The following MASP1 variants were observed in gnomAD, a reference collection of about 807,000 sequenced individuals.
MASP1 encodes MBL associated serine protease 1, also known as mannan-binding lectin serine protease 1.
MASP1 carries 59 observed loss-of-function variants against 77.1 expected under a neutral mutation model. The ratio of observed to expected loss-of-function variants is 0.77; its 90% confidence interval spans 0.62 to 0.95. The LOEUF (loss-of-function observed/expected upper bound fraction) is 0.95, where lower values mean the gene tolerates loss of function less well. Among genes scored for constraint, MASP1 ranks in the 40% least tolerant of loss-of-function variants. MASP1 has a pLI of 0.00. For missense variants in MASP1, 885 were observed against 912.9 expected (o/e 0.97, Z 0.39); for synonymous variants, 362 against 354.5 (o/e 1.02, Z -0.24).
At chr3:187,246,688 T>G in intron 8 of MASP1, 1 of 988,984 alleles carries the variant, frequency 1.0e-6, no homozygotes, top group Non-Finnish European at 1.2e-6. Context: ...TTTTTAAAAT[T>G]TTTAATCAGC....
intron 7 of MASP1, chr3:187,251,255 C>A: frequency 4.0e-6 from 1 of 249,538 alleles, no homozygotes; most frequent in South Asian, 5.3e-5. Flanking sequence ...CCACCATGCT[C>A]AGCCCCATTT....
At chr3:187,218,564 C>G (rs1351387022) in exon 16 of MASP1, 5 of 152,410 alleles carry the variant, frequency 3.3e-5, no homozygotes, top group Admixed American at 1.3e-4. Flanking sequence ...GAATTGCTGT[C>G]CCTGAGTATT....
chr3:187,225,447 G>A (rs1383962024), exon 13 of MASP1: 2 of 1,614,186 alleles, frequency 1.2e-6, no homozygotes, highest in Non-Finnish European at 1.7e-6. Flanking sequence ...TGGGGGTGGA[G>A]AGTGGTGTGT....
chr3:187,291,683 A>G lies in MASP1; in HGVS notation c.-51T>C. ...GCCCGGCCTTGGTCCTCCCAGCTTG[A>G]CTTGCCTGTGAGCTCGTGCCCGGTG... On this transcript the variant is annotated 5_prime_UTR_variant, in exon 1 of 11. Coordinates refer to ENST00000296280, the MANE Select transcript of MASP1 (RefSeq NM_139125.4). The G allele has an allele frequency of 6.2e-7, 1 of 1,613,382 alleles. No homozygotes were observed. The highest frequency in any genetic ancestry group is 8.5e-7 in the Non-Finnish European group (1 of 1,179,450).
chr3:187,220,492 C>CTTTTTTTTTTTTTTTTTT (rs747532550), intron 15 of MASP1, among the ~76,000 whole-genome samples: 3 of 134,564 alleles, frequency 2.2e-5, no homozygotes, highest in Admixed American at 7.4e-5. Flanking sequence ...TTTCTTTTTT[C>CTTTTTTTTTTTTTTTTTT]TTTCTTTTTT....
intron 8 of MASP1, among the ~76,000 whole-genome samples, chr3:187,249,558 G>C (rs1183148507): frequency 6.6e-6 from 1 of 152,144 alleles, no homozygotes. Context: ...GAGGTGAAGG[G>C]GTTGGAAGCC....
At chr3:187,231,325 A>C (rs980703798), downstream of MASP1, among the ~76,000 whole-genome samples, 1 of 152,154 alleles carries the variant, frequency 6.6e-6, no homozygotes, top group Admixed American at 6.5e-5. Context: ...AAGACTTTTC[A>C]TCCTAAAAAT....
At chr3:187,275,151 C>T (rs559643667) in intron 2 of MASP1, among the ~76,000 whole-genome samples, 10 of 152,244 alleles carry the variant, frequency 6.6e-5, no homozygotes, top group African/African-American at 1.2e-4. Context: ...CAGTTCAGGA[C>T]GGGAAAATAG....
chr3:187,289,025 C>T (rs373225993), intron 1 of MASP1, among the ~76,000 whole-genome samples: 2 of 152,274 alleles, frequency 1.3e-5, no homozygotes, highest in African/African-American at 2.4e-5. Flanking sequence ...TTTCATTCCT[C>T]GTCACACTCT....
At chr3:187,278,173 A>G (rs1717114631) in intron 2 of MASP1, among the ~76,000 whole-genome samples, 1 of 152,224 alleles carries the variant, frequency 6.6e-6, no homozygotes, top group Non-Finnish European at 1.5e-5. Flanking sequence ...GATGGAGAAG[A>G]AAATCTTAGC....
At chr3:187,223,142 T>C in exon 14 of MASP1, 2 of 1,614,086 alleles carry the variant, frequency 1.2e-6, no homozygotes, top group Non-Finnish European at 1.7e-6. Context: ...TCAGGGTCTC[T>C]GGGAACCTTT....
chr3:187,256,645 G>T lies in MASP1; in HGVS notation c.744+19C>A, dbSNP rs374759825. 7.4e-6 allele frequency: 12 copies of T among 1,613,032 alleles called. No homozygotes were observed. Among genetic ancestry groups the T allele is most frequent in the Non-Finnish European group, 9.3e-6 (11 of 1,179,504 alleles). On this transcript the variant is annotated intron_variant, in intron 5 of 10. Coordinates refer to ENST00000296280, the MANE Select transcript of MASP1 (RefSeq NM_139125.4). Reference sequence around the variant, plus strand: ...AGATTTTCCAGCATCTCCAGGACAAGTGTTCATTGCAGGCTCACCTTGATG... The same window carrying T: ...AGATTTTCCAGCATCTCCAGGACAATTGTTCATTGCAGGCTCACCTTGATG...
downstream of MASP1, among the ~76,000 whole-genome samples, chr3:187,231,915 A>G (rs1184627380): frequency 6.6e-6 from 1 of 152,234 alleles, no homozygotes; most frequent in Non-Finnish European, 1.5e-5. Context: ...CTGAGAAAAG[A>G]GCTAAAAGCC....
At chr3:187,218,588 A>AT (rs1711872288) in exon 16 of MASP1, 2 of 150,230 alleles carry the variant, frequency 1.3e-5, no homozygotes, top group Non-Finnish European at 1.5e-5. Context: ...CCTGGGGCTT[A>AT]ATATATATAT....
At chr3:187,233,667 C>T (rs1712903084), downstream of MASP1, among the ~76,000 whole-genome samples, 1 of 152,240 alleles carries the variant, frequency 6.6e-6, no homozygotes, top group South Asian at 2.1e-4. Context: ...GGATTCATAG[C>T]TGGTTTTGCT....
At position 187,282,495 on chromosome 3, in the gene MASP1, CAA is replaced by C. The variant is rs113211164; in HGVS notation, c.237+3328_237+3329del. Among the ~76,000 whole-genome samples the C allele has an allele frequency of 4.0e-3, 530 of 131,074 alleles. 4 individuals are homozygous for C. The highest frequency in any genetic ancestry group is 0.015 in the African/African-American group (494 of 33,844). 86.0% of individuals were successfully genotyped at this position (131,074 alleles called of 152,430 possible). On this transcript the variant is annotated intron_variant, in intron 2 of 10. Coordinates refer to ENST00000296280, the MANE Select transcript of MASP1 (RefSeq NM_139125.4). Reference sequence around the variant, plus strand: ...CTGGCAACAGAGCAAGATTCCGTTTCAAAAAAAAAAAAAAAAAGAAGAAGAAG... The same window carrying C: ...CTGGCAACAGAGCAAGATTCCGTTTCAAAAAAAAAAAAAAAGAAGAAGAAG...
At chr3:187,262,493 C>T (rs1281047446) in intron 3 of MASP1, 50 bp downstream of exon 3, 1 of 1,591,262 alleles carries the variant, frequency 6.3e-7, no homozygotes, top group Admixed American at 1.7e-5. Flanking sequence ...CAGTTTTCAT[C>T]TTCGGAGAGA....
At chr3:187,287,755 C>G (rs1464818398) in intron 1 of MASP1, among the ~76,000 whole-genome samples, 1 of 152,180 alleles carries the variant, frequency 6.6e-6, no homozygotes. Context: ...GCTGGGAAAC[C>G]ATACCAGCAT....
chr3:187,252,001 T>G (rs1438241408), intron 6 of MASP1, among the ~76,000 whole-genome samples: 2 of 152,204 alleles, frequency 1.3e-5, no homozygotes. Flanking sequence ...AAACACAGGG[T>G]TGGGAGGAAT....
Sources: gnomAD v4.1 joint callset for allele counts (sites outside exome capture counted in the v4.1 genomes callset) on GRCh38, gnomAD v4.1.1 for gene constraint, MANE v1.5 for transcripts, NCBI Gene and HGNC (gene_info 2026-07-23, HGNC 2026-07-21) for gene names.